Variants in TEPSIN observed in about 807,000 individuals in gnomAD.
The protein encoded by TEPSIN is TEPSIN adaptor related protein complex 4 accessory protein, also known as AP-4 complex accessory subunit tepsin.
TEPSIN carries 50 observed loss-of-function variants against 48.5 expected under a neutral mutation model. The ratio of observed to expected loss-of-function variants is 1.03; its 90% confidence interval spans 0.82 to 1.31. TEPSIN has a LOEUF of 1.31. Ranked by LOEUF, TEPSIN falls within the 50% of genes most tolerant of loss-of-function variation. The pLI, the probability that TEPSIN is intolerant of heterozygous loss-of-function variation, is 0.00. For missense variants in TEPSIN, 838 were observed against 815.9 expected, an observed-to-expected ratio of 1.03 and a Z score of -0.33; for synonymous variants, 392 against 358.8, an observed-to-expected ratio of 1.09 and a Z score of -1.05.
At position 81,229,041 on chromosome 17, in the gene TEPSIN, C is replaced by T. The variant is rs78610767; in HGVS notation, c.1669G>A (p.Ala557Thr). ...GGAGCATCAGGACAGGACTCTCCCG[C>T]AGCAGCCCCAGCCCCCACCAGGCGG... is the stretch of plus-strand genomic sequence containing the variant. ...CPRLVGAGAA[A>T]GESCPDAPRA... Residue 557 changes from alanine to threonine, a missense_variant, in exon 13 of 13, where the codon GCG becomes ACG. Ala to Thr is a moderately conservative substitution (Grantham distance 58). Coordinates refer to ENST00000637944, the MANE Select transcript of TEPSIN (RefSeq NM_001363764.2). The T allele has an allele frequency of 2.7e-3, 4,346 of 1,613,300 alleles. 137 individuals are homozygous for T. The African/African-American group carries it at 0.052, about 19-fold the overall frequency.
Position 81,233,888 on chromosome 17 carries a change from A to G in TEPSIN, c.375+93T>C. Reference sequence around the variant, plus strand: ...CAGAGGCAGGGGTCCCGGATGGGAGAACTGCAAACCCCCCAGCTGACATCC... The same window carrying G: ...CAGAGGCAGGGGTCCCGGATGGGAGGACTGCAAACCCCCCAGCTGACATCC... On this transcript the variant is annotated intron_variant, in intron 5 of 12. Transcript: ENST00000637944. The surrounding 1 kb of genome is among the most constrained non-coding windows in gnomAD (Gnocchi z 5.8). The G allele has an allele frequency of 7.0e-7, 1 of 1,433,530 alleles. No individual in the cohort carries two copies. Among genetic ancestry groups the G allele is most frequent in the East Asian group, 2.5e-5 (1 of 40,436 alleles). 88.8% of individuals were successfully genotyped at this position (1,433,530 alleles called of 1,614,324 possible). A position where few individuals can be genotyped will look rare whatever the true frequency, so the allele number is the denominator to read the frequency against.
chr17:81,233,807 G>A lies in TEPSIN; in HGVS notation c.376-91C>T. Reference sequence around the variant, plus strand: ...CATATCAGCTCCGTTCTGTCCCCCGGACACTTCTCCTGAGCCACTCAGCTG... The same window carrying A: ...CATATCAGCTCCGTTCTGTCCCCCGAACACTTCTCCTGAGCCACTCAGCTG... On this transcript the variant is annotated intron_variant, in intron 5 of 12. Transcript: ENST00000637944. The surrounding 1 kb of genome is among the most constrained non-coding windows in gnomAD (Gnocchi z 5.8). The A allele has an allele frequency of 7.0e-7, 1 of 1,429,504 alleles. No homozygotes were observed. The highest frequency in any genetic ancestry group is 9.4e-7 in the Non-Finnish European group (1 of 1,063,788). The allele number at this position is 1,429,504 out of a possible 1,614,324, so 88.6% of individuals were successfully genotyped here. A position where few individuals can be genotyped will look rare whatever the true frequency, so the allele number is the denominator to read the frequency against.
chr17:81,232,866 T>C, intron 7 of TEPSIN: 1 of 266,472 alleles, frequency 3.8e-6, no homozygotes, highest in Non-Finnish European at 7.1e-6. Flanking sequence ...CCTGTGTGAG[T>C]TCCCTGTAGA....
chr17:81,231,237 CCACACG>C (rs2062597178), intron 11 of TEPSIN, 155 bp downstream of exon 11: 1 of 714,598 alleles, frequency 1.4e-6, no homozygotes, highest in Non-Finnish European at 2.3e-6. Flanking sequence ...GCATACACAC[CCACACG>C]CACACACACA....
chr17:81,237,416 C>A lies in TEPSIN; in HGVS notation c.92G>T (p.Cys31Phe). The A allele has an allele frequency of 1.9e-6, 3 of 1,611,966 alleles. No homozygotes were observed. ...AATCTCTTCAAACAGGTAGCCCGGACACGGGACATCATCATCGGACGTCCC... is the reference window on the plus strand; with the variant it reads ...AATCTCTTCAAACAGGTAGCCCGGAAACGGGACATCATCATCGGACGTCCC... ...LKGTSDDDVPCPGYLFEEIAK... is the reference protein window; with the variant it reads ...LKGTSDDDVPFPGYLFEEIAK... The change falls in exon 2 of 13, where the codon TGT becomes TTT. Residue 31 changes from cysteine (C) to phenylalanine (F), a missense_variant. Transcript: ENST00000637944.
Position 81,230,127 on chromosome 17 carries a change from A to T in TEPSIN, c.1233+417T>A. 5.4e-6 allele frequency: 1 copy of T among 186,456 alleles called. No individual in the cohort carries two copies. The highest frequency in any genetic ancestry group is 1.1e-5 in the Non-Finnish European group (1 of 89,604). The allele number at this position is 186,456 out of a possible 1,614,324, so 11.6% of individuals were successfully genotyped here. A position where few individuals can be genotyped will look rare whatever the true frequency, so the allele number is the denominator to read the frequency against. ...GGCCGCCAGGCAGTTCAGAGTGTTC[A>T]AGTGCACAGAGATGAATGGAACCAT... On this transcript the variant is annotated intron_variant, in intron 12 of 12. Transcript: ENST00000637944. This position sits in a 1 kb window ranked among gnomAD's most constrained non-coding sequence, Gnocchi z 4.2.
chr17:81,232,069 C>T (rs749054866), intron 8 of TEPSIN, 48 bp from the exon 9 acceptor site: 84 of 1,578,162 alleles, frequency 5.3e-5, no homozygotes, highest in Non-Finnish European at 6.8e-5. Context: ...TTCAGGCCAG[C>T]CCCATGCCCA....
At chr17:81,231,287 G>A in intron 11 of TEPSIN, 111 bp downstream of exon 11, 2 of 1,159,236 alleles carry the variant, frequency 1.7e-6, no homozygotes, top group Non-Finnish European at 2.4e-6. Context: ...ACAGAGGAAT[G>A]TTCACACACA....
chr17:81,235,317 G>A (rs1028563114), intron 4 of TEPSIN, among the ~76,000 whole-genome samples: 5 of 152,118 alleles, frequency 3.3e-5, no homozygotes, highest in African/African-American at 1.2e-4. Context: ...GACGCTCTGC[G>A]CGCGTGGGGC....
rs1484473383 is a variant in TEPSIN at position 81,233,794 on chromosome 17, G to A, written c.376-78C>T. ...TCACCCTGCCACCCATATCAGCTCC[G>A]TTCTGTCCCCCGGACACTTCTCCTG... is the stretch of plus-strand genomic sequence containing the variant. On this transcript the variant is annotated intron_variant, in intron 5 of 12. Transcript: ENST00000637944. This position sits in a 1 kb window ranked among gnomAD's most constrained non-coding sequence, Gnocchi z 5.8. The A allele has an allele frequency of 4.1e-6, 6 of 1,457,860 alleles. No individual in the cohort carries two copies. Among genetic ancestry groups the A allele is most frequent in the African/African-American group, 1.4e-5 (1 of 71,182 alleles). 90.3% of individuals were successfully genotyped at this position (1,457,860 alleles called of 1,614,324 possible). A position where few individuals can be genotyped will look rare whatever the true frequency, so the allele number is the denominator to read the frequency against.
At chr17:81,232,900 G>A (rs541129174) in intron 7 of TEPSIN, 9 of 235,380 alleles carry the variant, frequency 3.8e-5, no homozygotes, top group South Asian at 9.3e-5. Flanking sequence ...CCAAAGTGTC[G>A]GCAGGAGCCC....
Position 81,233,590 on chromosome 17 carries a change from G to A in TEPSIN, c.454+48C>T. ...CACAGACACCCAGGACACTCAAGGA[G>A]GCAGAAACCAGGTGCCAGAGCTGGA... On this transcript the variant is annotated intron_variant, in intron 6 of 12. Transcript: ENST00000637944. The surrounding 1 kb of genome is among the most constrained non-coding windows in gnomAD (Gnocchi z 5.8). 1 of 1,573,260 alleles carries A rather than the reference G, an allele frequency of 6.4e-7. No individual in the cohort carries two copies. The highest frequency in any genetic ancestry group is 1.2e-5 in the South Asian group (1 of 85,374).
At position 81,229,033 on chromosome 17, in the gene TEPSIN, C is replaced by T; in HGVS notation, c.1677G>A (p.Glu559=). The T allele has an allele frequency of 6.2e-7, 1 of 1,613,376 alleles. No homozygotes were observed. The highest frequency in any genetic ancestry group is 8.5e-7 in the Non-Finnish European group (1 of 1,179,934). ...GGGCGCGGGGAGCATCAGGACAGGA[C>T]TCTCCCGCAGCAGCCCCAGCCCCCA... ...RLVGAGAAAG[E]SCPDAPRAPQ... Residue 559 remains glutamate, a synonymous_variant, in exon 13 of 13, where the codon GAG becomes GAA. Coordinates refer to ENST00000637944, the MANE Select transcript of TEPSIN (RefSeq NM_001363764.2).
rs2062520091 is a variant in TEPSIN, at chr17:81,228,894, C to G, written c.*34G>C. ...AAGCACAGACCGCCCCAGACAGCAG[C>G]TGAAGCTGAAGACTCCAGGGCCAGG... On this transcript the variant is annotated 3_prime_UTR_variant, in exon 13 of 13. Transcript: ENST00000637944. 3 of 1,610,078 alleles carry G rather than the reference C, an allele frequency of 1.9e-6. No homozygotes were observed. The highest frequency in any genetic ancestry group is 1.7e-5 in the Admixed American group (1 of 59,828).
Position 81,229,130 on chromosome 17 carries a change from CCT to C in TEPSIN, c.1578_1579del (p.Gly527ProfsTer36). On this transcript the variant is annotated frameshift_variant, in exon 13 of 13. Coordinates refer to ENST00000637944, the MANE Select transcript of TEPSIN (RefSeq NM_001363764.2). LOFTEE classifies it low-confidence loss of function (END_TRUNC). ...GCGGCTCCACGCACAGCTGCTGGGG[CCT>C]CTCTTTGGGCTGTCCGTGCCCCCTG... 1 of 1,613,126 alleles carries C rather than the reference CCT, an allele frequency of 6.2e-7. No homozygotes were observed.
Position 81,233,473 on chromosome 17 carries a change from G to T in TEPSIN, c.485C>A (p.Thr162Asn). Residue 162 changes from threonine (T) to asparagine (N), a missense_variant, in exon 7 of 13, where the codon ACC (threonine) becomes AAC (asparagine). By Grantham distance (65) the Thr-to-Asn change is moderately conservative. Transcript: ENST00000637944. The surrounding 1 kb of genome is among the most constrained non-coding windows in gnomAD (Gnocchi z 5.8). ...GMGSQARPHS[T>N]LQGFGYSKEH... is the part of the protein sequence containing the mutation. ...CTTGCTGTAGCCGAAACCCTGGAGG[G>T]TGCTGTGCGGCCTGGCCTGGGAGCC... The T allele has an allele frequency of 1.2e-6, 2 of 1,609,458 alleles. No individual in the cohort carries two copies. The highest frequency in any genetic ancestry group is 1.7e-6 in the Non-Finnish European group (2 of 1,178,284).
At chr17:81,229,580 G>A in intron 12 of TEPSIN, 104 bp from the exon 13 acceptor site, 1 of 1,266,886 alleles carries the variant, frequency 7.9e-7, no homozygotes, top group South Asian at 1.3e-5. Context: ...TCCACCCAGA[G>A]GGCAGGGCCA....
In TEPSIN at chr17:81,228,649, A is replaced by C. The variant is rs2062515565; in HGVS notation, c.*279T>G. 3.9e-6 allele frequency: 2 copies of C among 517,862 alleles called. No individual in the cohort carries two copies. Among genetic ancestry groups the C allele is most frequent in the Non-Finnish European group, 6.7e-6 (2 of 297,264 alleles). 32.1% of individuals were successfully genotyped at this position (517,862 alleles called of 1,614,324 possible). ...GTAGTCGCTTCCGCATTCATACAAGAAACCTCATGTCTGAGAGCAAGACAG... is the reference window on the plus strand; with the variant it reads ...GTAGTCGCTTCCGCATTCATACAAGCAACCTCATGTCTGAGAGCAAGACAG... On this transcript the variant is annotated 3_prime_UTR_variant, in exon 13 of 13. Transcript: ENST00000637944.
intron 11 of TEPSIN, chr17:81,231,045 A>G: frequency 2.0e-6 from 1 of 491,146 alleles, no homozygotes; most frequent in South Asian, 2.7e-5. Flanking sequence ...GCCCCCCGAC[A>G]CACGCACACA....
Sources: allele counts gnomAD v4.1 joint callset (sites outside exome capture counted in the v4.1 genomes callset), GRCh38; gene constraint gnomAD v4.1.1; non-coding constraint Gnocchi (gnomAD v3.1); transcripts MANE v1.5; gene names NCBI Gene and HGNC (gene_info 2026-07-23, HGNC 2026-07-21).